ATF2: variants seen among roughly 807,000 people sequenced by gnomAD.
ATF2 encodes the protein cyclic AMP-dependent transcription factor ATF-2.
In ATF2, 24 loss-of-function variants were observed where a neutral mutation model predicts 60.6. That is an observed-to-expected ratio of 0.40 (90% CI 0.29 to 0.56). The LOEUF (loss-of-function observed/expected upper bound fraction) is 0.56, where lower values mean the gene tolerates loss of function less well. ATF2 is among the 20% of genes least tolerant of loss of function. The pLI is 0.54. For synonymous variants in ATF2, 206 were observed against 215.4 expected, an observed-to-expected ratio of 0.96 and a Z score of 0.38; for missense variants, 433 against 607.7, an observed-to-expected ratio of 0.71 and a Z score of 3.02.
chr2:175,097,567 T>C lies in ATF2; in HGVS notation c.855A>G (p.Gln285=). 1.9e-6 allele frequency: 3 copies of C among 1,614,098 alleles called. No homozygotes were observed. Among genetic ancestry groups the C allele is most frequent in the South Asian group, 2.2e-5 (2 of 91,080 alleles). ...KMRLKAALTQ[Q]HPPVTNGDTV... ...TATCACCATTGGTAACTGGAGGATG[T>C]TGCTGGGTCAAAGCAGCTTTTAATC... Residue 285 remains glutamine (Q), a synonymous_variant, in exon 11 of 14, where the codon CAA becomes CAG. Coordinates refer to ENST00000264110, the MANE Select transcript of ATF2 (RefSeq NM_001880.4).
intron 2 of ATF2, among the ~76,000 whole-genome samples, chr2:175,141,309 G>C (rs1344643755): frequency 6.6e-6 from 1 of 151,232 alleles, no homozygotes; most frequent in African/African-American, 2.4e-5. Context: ...CAAAAACTCA[G>C]CATAATTTCC....
chr2:175,121,503 T>A lies in ATF2; in HGVS notation c.140A>T (p.His47Leu), dbSNP rs768144040. The change falls in exon 5 of 14, where the codon CAT (histidine) becomes CTT (leucine). Residue 47 changes from histidine (H) to leucine (L), a missense_variant. By Grantham distance (99) the His-to-Leu change is moderately conservative. This residue lies in a region of ATF2 where 29 missense variants were observed against 102.1 expected (regional missense o/e 0.28). Transcript: ENST00000264110. ...AAATTTCAGTGTCATCTCATGTTTA[T>A]GTTTATGGACAGCCAAATGATCCTC... Reference protein sequence around the residue: ...TNEDHLAVHKHKHEMTLKFGP... With the variant: ...TNEDHLAVHKLKHEMTLKFGP... 6.2e-7 allele frequency: 1 copy of A among 1,605,328 alleles called. No homozygotes were observed. Among genetic ancestry groups the A allele is most frequent in the Non-Finnish European group, 8.5e-7 (1 of 1,175,194 alleles).
At chr2:175,104,713 C>A (rs1305311999) in intron 10 of ATF2, among the ~76,000 whole-genome samples, 1 of 152,186 alleles carries the variant, frequency 6.6e-6, no homozygotes, top group Non-Finnish European at 1.5e-5. Context: ...TATGGTGAGT[C>A]TTCTTAAGCC....
chr2:175,104,456 T>C (rs1010908669), intron 10 of ATF2, among the ~76,000 whole-genome samples: 1 of 150,644 alleles, frequency 6.6e-6, no homozygotes, highest in African/African-American at 2.4e-5. Flanking sequence ...AGTTTTAAGG[T>C]GGTGGCAGGG....
At chr2:175,166,820 AATGC>A (rs1700377471) in intron 1 of ATF2, among the ~76,000 whole-genome samples, 1 of 152,204 alleles carries the variant, frequency 6.6e-6, no homozygotes, top group African/African-American at 2.4e-5. Context: ...GTATATCTTA[AATGC>A]ATGCATTGTG....
intron 10 of ATF2, among the ~76,000 whole-genome samples, chr2:175,110,072 C>CA (rs1212988706): frequency 3.3e-5 from 5 of 152,110 alleles, no homozygotes; most frequent in African/African-American, 1.2e-4. Context: ...TGTGGTGGCT[C>CA]ACGCCTGTAA....
At chr2:175,138,092 C>G (rs1459988113) in intron 2 of ATF2, among the ~76,000 whole-genome samples, 2 of 152,166 alleles carry the variant, frequency 1.3e-5, no homozygotes, top group Non-Finnish European at 2.9e-5. Flanking sequence ...GTTAATATAT[C>G]ACATTACTCT....
chr2:175,160,618 A>G (rs1408853112), intron 1 of ATF2, among the ~76,000 whole-genome samples: 2 of 152,234 alleles, frequency 1.3e-5, no homozygotes, highest in African/African-American at 2.4e-5. Flanking sequence ...TAGTGTAGTT[A>G]TAATTGTATA....
At chr2:175,088,841 T>C (rs1694347362) in intron 12 of ATF2, among the ~76,000 whole-genome samples, 3 of 152,094 alleles carry the variant, frequency 2.0e-5, no homozygotes, top group African/African-American at 7.2e-5. Context: ...GTAAAAACCA[T>C]TTCAAGTAAA....
intron 3 of ATF2, among the ~76,000 whole-genome samples, chr2:175,130,971 A>G (rs182724963): frequency 3.9e-5 from 6 of 152,260 alleles, no homozygotes; most frequent in Admixed American, 2.6e-4. Flanking sequence ...CTTGTAATGT[A>G]TCAAAACTTT....
chr2:175,155,764 G>A (rs1030647079), intron 1 of ATF2, among the ~76,000 whole-genome samples: 1 of 152,142 alleles, frequency 6.6e-6, no homozygotes, highest in South Asian at 2.1e-4. Flanking sequence ...TTCCAACTGT[G>A]AAATGAATTA....
At chr2:175,082,291 T>G (rs996517448) in intron 12 of ATF2, among the ~76,000 whole-genome samples, 2 of 152,162 alleles carry the variant, frequency 1.3e-5, no homozygotes, top group Non-Finnish European at 2.9e-5. Context: ...TTTAGAATAT[T>G]GTATTTGAGG....
intron 9 of ATF2, among the ~76,000 whole-genome samples, chr2:175,113,529 G>A (rs1696349408): frequency 6.6e-6 from 1 of 151,980 alleles, no homozygotes; most frequent in South Asian, 2.1e-4. Flanking sequence ...TCTTTTCACA[G>A]GGAAAGTGAA....
Position 175,109,919 on chromosome 2 carries a change from C to G in ATF2, c.828+1649G>C, listed in dbSNP as rs71419418. On this transcript the variant is annotated intron_variant, in intron 10 of 13. Transcript: ENST00000264110. ...AGGGTCTTCTCTAACAATCAATAAC[C>G]ACCTAATTTTTATACTCTTCAACCA... Among the ~76,000 whole-genome samples the G allele has an allele frequency of 1.3e-3, 198 of 152,244 alleles. 2 individuals are homozygous for G. Among genetic ancestry groups the G allele is most frequent in the South Asian group, 0.011 (52 of 4,818 alleles).
chr2:175,133,433 T>C (rs965427769), intron 3 of ATF2, among the ~76,000 whole-genome samples: 6 of 152,322 alleles, frequency 3.9e-5, no homozygotes, highest in African/African-American at 1.4e-4. Context: ...AAATTTTATA[T>C]AGCAAGAGTA....
intron 1 of ATF2, among the ~76,000 whole-genome samples, chr2:175,156,377 C>CAAAAAAAAAAAA (rs57399474): frequency 1.8e-5 from 1 of 55,982 alleles, no homozygotes; most frequent in African/African-American, 5.8e-5. Context: ...TCTCAAAAAA[C>CAAAAAAAAAAAA]AAAAAAAAAA....
chr2:175,157,341 T>C (rs904086836), intron 1 of ATF2, among the ~76,000 whole-genome samples: 1 of 151,946 alleles, frequency 6.6e-6, no homozygotes, highest in Non-Finnish European at 1.5e-5. Flanking sequence ...TTCATGTATC[T>C]ATGCAGTCTA....
chr2:175,084,706 G>T (rs1694030933), intron 12 of ATF2, among the ~76,000 whole-genome samples: 1 of 150,614 alleles, frequency 6.6e-6, no homozygotes, highest in African/African-American at 2.4e-5. Flanking sequence ...GCCTATTTCT[G>T]GGTTCCCACA....
intron 5 of ATF2, among the ~76,000 whole-genome samples, chr2:175,118,702 T>C (rs1240953436): frequency 6.6e-6 from 1 of 151,674 alleles, no homozygotes; most frequent in Non-Finnish European, 1.5e-5. Flanking sequence ...TTTTTAAATT[T>C]ACATTATTAA....
Sources: allele counts gnomAD v4.1 joint callset (sites outside exome capture counted in the v4.1 genomes callset), GRCh38; gene constraint gnomAD v4.1.1; regional missense constraint gnomAD v4.1.1; transcripts MANE v1.5; gene names NCBI Gene and HGNC (gene_info 2026-07-23, HGNC 2026-07-21).